ROBO1: variants seen among roughly 807,000 people sequenced by gnomAD.
ROBO1 encodes roundabout guidance receptor 1.
A neutral mutation model predicts 195.9 loss-of-function variants in ROBO1; 149 were observed. The observed-to-expected ratio is 0.76, with a 90% CI of 0.67 to 0.87. The LOEUF (loss-of-function observed/expected upper bound fraction) is 0.87, where lower values mean the gene tolerates loss of function less well. Ranked by LOEUF, ROBO1 falls within the 40% of genes least tolerant of loss-of-function variation. The probability of loss-of-function intolerance (pLI) is 0.00; values close to 1 mark genes in which losing one functional copy is unlikely to be tolerated. For missense variants in ROBO1, 1,933 were observed against 2,068.3 expected, an observed-to-expected ratio of 0.93 and a Z score of 1.27; for synonymous variants, 816 against 733.2, an observed-to-expected ratio of 1.11 and a Z score of -1.82.
intron 10 of ROBO1, among the ~76,000 whole-genome samples, chr3:78,681,758 C>G (rs556348916): frequency 6.6e-6 from 1 of 152,066 alleles, no homozygotes; most frequent in Non-Finnish European, 1.5e-5. Context: ...AAAAATTAGT[C>G]GGGCGTGGTG....
intron 2 of ROBO1, among the ~76,000 whole-genome samples, chr3:79,523,205 A>G (rs1234998677): frequency 6.6e-6 from 1 of 151,988 alleles, no homozygotes; most frequent in African/African-American, 2.4e-5. Context: ...AAATTAGTAC[A>G]TAGTGATACA....
At chr3:78,864,080 TC>T in intron 4 of ROBO1, among the ~76,000 whole-genome samples, 1 of 152,200 alleles carries the variant, frequency 6.6e-6, no homozygotes, top group African/African-American at 2.4e-5. Flanking sequence ...TTACATTTAC[TC>T]CTTCTTCATC....
At chr3:79,666,811 G>T (rs1484432640) in intron 1 of ROBO1, among the ~76,000 whole-genome samples, 1 of 151,832 alleles carries the variant, frequency 6.6e-6, no homozygotes, top group African/African-American at 2.4e-5. Flanking sequence ...TATGATTTTA[G>T]ATAACTTGAA....
At chr3:79,708,297 C>T (rs1167887118) in intron 1 of ROBO1, among the ~76,000 whole-genome samples, 1 of 152,098 alleles carries the variant, frequency 6.6e-6, no homozygotes. Flanking sequence ...CTTTTAGCTT[C>T]CCCATATAAT....
chr3:79,283,639 T>C (rs1334551910), intron 2 of ROBO1, among the ~76,000 whole-genome samples: 1 of 152,218 alleles, frequency 6.6e-6, no homozygotes, highest in African/African-American at 2.4e-5. Context: ...AAGCATTCTA[T>C]TCACTTTCAA....
chr3:79,537,158 C>A (rs1002746034), intron 2 of ROBO1, among the ~76,000 whole-genome samples: 1 of 150,578 alleles, frequency 6.6e-6, no homozygotes, highest in Non-Finnish European at 1.5e-5. Flanking sequence ...ATACAGAGAA[C>A]CTGAGAGATT....
chr3:78,624,877 A>C (rs944173729), intron 26 of ROBO1, among the ~76,000 whole-genome samples: 1 of 152,130 alleles, frequency 6.6e-6, no homozygotes, highest in African/African-American at 2.4e-5. Flanking sequence ...GATGCTTACC[A>C]GGCAATCAGA....
chr3:79,476,831 A>G (rs77934006), intron 2 of ROBO1, among the ~76,000 whole-genome samples: 3 of 152,098 alleles, frequency 2.0e-5, no homozygotes, highest in African/African-American at 4.8e-5. Flanking sequence ...TCGGGTGATG[A>G]GTGAACCAAA....
At position 78,745,306 on chromosome 3, in the gene ROBO1, CAAAAAAA is replaced by C. The variant is rs11360584; in HGVS notation, c.657+1430_657+1436del. ...CTGGTGACAGAGCAAGACTCCATTT[CAAAAAAA>C]AAAAAAAAAAAAGATTTTTGTCACT... On this transcript the variant is annotated intron_variant, in intron 5 of 30. Coordinates refer to ENST00000464233, the MANE Select transcript of ROBO1 (RefSeq NM_002941.4). Among the ~76,000 whole-genome samples, 4 of 71,180 alleles carry C rather than the reference CAAAAAAA, an allele frequency of 5.6e-5. No homozygotes were observed. In the East Asian group the frequency reaches 2.0e-3, roughly 36 times the overall value. 46.7% of individuals were successfully genotyped at this position (71,180 alleles called of 152,430 possible). A position where few individuals can be genotyped will look rare whatever the true frequency, so the allele number is the denominator to read the frequency against.
chr3:79,077,166 T>C (rs1312466418), intron 3 of ROBO1, among the ~76,000 whole-genome samples: 2 of 151,928 alleles, frequency 1.3e-5, no homozygotes, highest in East Asian at 3.9e-4. Flanking sequence ...GGAACGTTTT[T>C]ACTCTTTGAG....
At chr3:78,646,648 G>A (rs945839457) in intron 20 of ROBO1, among the ~76,000 whole-genome samples, 15 of 149,122 alleles carry the variant, frequency 1.0e-4, no homozygotes, top group South Asian at 4.2e-4. Context: ...GGAAGTATGA[G>A]TACCAGTAAG....
chr3:78,973,021 C>A (rs1434139770), intron 3 of ROBO1, among the ~76,000 whole-genome samples: 2 of 152,166 alleles, frequency 1.3e-5, no homozygotes, highest in Non-Finnish European at 2.9e-5. Flanking sequence ...AGAACCAGAG[C>A]ACACTGATGG....
intron 4 of ROBO1, 109 bp downstream of exon 4, chr3:78,938,492 T>A: frequency 1.2e-6 from 1 of 842,620 alleles, no homozygotes; most frequent in Non-Finnish European, 1.8e-6. Context: ...CTAGAGTTTA[T>A]CCTCAGGTAA....
rs528437607 is a variant in ROBO1, at chr3:79,107,218, T to A, written c.172+18238A>T. Among the ~76,000 whole-genome samples, 17 of 150,050 alleles carry A rather than the reference T, an allele frequency of 1.1e-4. No homozygotes were observed. The East Asian group carries it at 3.3e-3, about 30-fold the overall frequency. Reference sequence around the variant, plus strand: ...ATGAGTTAAAGTTTAAAGAAAAAAATTCATAAGCATAACAAAATAGGTGCT... The same window carrying A: ...ATGAGTTAAAGTTTAAAGAAAAAAAATCATAAGCATAACAAAATAGGTGCT... On this transcript the variant is annotated intron_variant, in intron 3 of 30. Coordinates refer to ENST00000464233, the MANE Select transcript of ROBO1 (RefSeq NM_002941.4).
chr3:79,241,129 CA>C (rs1275799042), intron 2 of ROBO1, among the ~76,000 whole-genome samples: 1 of 152,128 alleles, frequency 6.6e-6, no homozygotes, highest in Non-Finnish European at 1.5e-5. Context: ...TAAATGATCT[CA>C]TTGTTTCCAA....
At chr3:79,405,953 T>A (rs2037530202) in intron 2 of ROBO1, among the ~76,000 whole-genome samples, 1 of 152,184 alleles carries the variant, frequency 6.6e-6, no homozygotes, top group South Asian at 2.1e-4. Context: ...GGGAATTGTA[T>A]GATATTGCTA....
chr3:78,849,539 TATAACA>T (rs2033900552), intron 4 of ROBO1, among the ~76,000 whole-genome samples: 1 of 152,234 alleles, frequency 6.6e-6, no homozygotes, highest in South Asian at 2.1e-4. Flanking sequence ...CTGGAGTTAT[TATAACA>T]ATAACAACTA....
intron 2 of ROBO1, among the ~76,000 whole-genome samples, chr3:79,179,814 C>T (rs952523022): frequency 6.6e-6 from 1 of 152,210 alleles, no homozygotes; most frequent in African/African-American, 2.4e-5. Flanking sequence ...CAGTGTTGAA[C>T]ATTTGGTTTA....
chr3:78,647,302 C>T (rs554743100), intron 20 of ROBO1, among the ~76,000 whole-genome samples: 4 of 152,000 alleles, frequency 2.6e-5, no homozygotes, highest in Non-Finnish European at 5.9e-5. Flanking sequence ...GAAAAATGCA[C>T]TGTCAAGTCT....
Sources: gnomAD v4.1 joint callset for allele counts (sites outside exome capture counted in the v4.1 genomes callset) on GRCh38, gnomAD v4.1.1 for gene constraint, MANE v1.5 for transcripts, NCBI Gene and HGNC (gene_info 2026-07-23, HGNC 2026-07-21) for gene names.